Variants in FBLN5 observed in about 807,000 individuals in gnomAD.
The protein encoded by FBLN5 is fibulin 5.
Under a neutral mutation model 61.6 loss-of-function variants are expected in FBLN5, and 24 were observed. The ratio of observed to expected loss-of-function variants is 0.39; its 90% CI spans 0.28 to 0.55. FBLN5 has a LOEUF of 0.55. Ranked by LOEUF, FBLN5 falls within the 20% of genes least tolerant of loss-of-function variation. FBLN5 has a pLI of 0.65. For missense variants in FBLN5, 470 were observed against 594.1 expected (o/e 0.79, Z 2.17); for synonymous variants, 213 against 219.8 (o/e 0.97, Z 0.27).
chr14:91,930,262 T>A (rs1595342264), intron 4 of FBLN5, among the ~76,000 whole-genome samples: 1 of 152,146 alleles, frequency 6.6e-6, no homozygotes, highest in Non-Finnish European at 1.5e-5. Context: ...TGGCAGTTGG[T>A]ACTGTTATCC....
chr14:91,936,155 A>G (rs1166401121), intron 4 of FBLN5, among the ~76,000 whole-genome samples: 1 of 152,256 alleles, frequency 6.6e-6, no homozygotes, highest in Non-Finnish European at 1.5e-5. Flanking sequence ...GGGAAAAACA[A>G]AAAACAAAAT....
intron 2 of FBLN5, chr14:91,942,254 C>G (rs556695808): frequency 3.3e-5 from 15 of 449,190 alleles, no homozygotes; most frequent in East Asian, 2.8e-4. Flanking sequence ...TCACCCACCC[C>G]CTTCTTACTC....
chr14:91,871,974 A>G (rs1166491685), intron 10 of FBLN5, among the ~76,000 whole-genome samples: 5 of 152,160 alleles, frequency 3.3e-5, no homozygotes, highest in Non-Finnish European at 1.5e-5. Flanking sequence ...TCTCAGGGCT[A>G]GGATCTACTG....
At chr14:91,891,057 G>T (rs1353313722) in intron 6 of FBLN5, among the ~76,000 whole-genome samples, 164 bp downstream of exon 6, 1 of 152,224 alleles carries the variant, frequency 6.6e-6, no homozygotes, top group East Asian at 1.9e-4. Flanking sequence ...GCATAGCAAG[G>T]TTCAGGTCTC....
chr14:91,934,374 T>C (rs1205118475), intron 4 of FBLN5, among the ~76,000 whole-genome samples: 1 of 152,200 alleles, frequency 6.6e-6, no homozygotes, highest in Non-Finnish European at 1.5e-5. Context: ...GTTTCTTAGT[T>C]TCTCTGCTTC....
intron 6 of FBLN5, among the ~76,000 whole-genome samples, chr14:91,891,012 C>T (rs1378071089): frequency 6.6e-6 from 1 of 152,202 alleles, no homozygotes. Context: ...GGGTCCTACC[C>T]TCAGCCATAT....
At chr14:91,905,799 C>T (rs2498833) in intron 4 of FBLN5, among the ~76,000 whole-genome samples, 26,720 of 151,758 alleles carry the variant, frequency 0.18, 2,515 homozygotes, top group Admixed American at 0.23. Context: ...AGGATGGTCT[C>T]GATCTTCTGA....
chr14:91,920,071 A>G (rs2055708015), intron 4 of FBLN5, among the ~76,000 whole-genome samples: 1 of 152,098 alleles, frequency 6.6e-6, no homozygotes, highest in Non-Finnish European at 1.5e-5. Flanking sequence ...TTGGAGTCCC[A>G]CACACTCTTC....
intron 2 of FBLN5, 118 bp downstream of exon 2, chr14:91,942,789 G>A (rs960449743): frequency 2.8e-6 from 2 of 707,722 alleles, no homozygotes; most frequent in Non-Finnish European, 5.1e-6. Context: ...GCTCAGATGA[G>A]GTCAACTGTA....
rs2056203992 is a variant in FBLN5 at position 91,947,537 on chromosome 14, G to A, written c.-308C>T. The A allele has an allele frequency of 3.9e-6, 2 of 511,870 alleles. No individual in the cohort carries two copies. Among genetic ancestry groups the A allele is most frequent in the East Asian group, 3.5e-5 (1 of 28,224 alleles). 31.7% of individuals were successfully genotyped at this position (511,870 alleles called of 1,614,324 possible). A position where few individuals can be genotyped will look rare whatever the true frequency, so the allele number is the denominator to read the frequency against. ...CTAAGTATGTTAAACAATGCAAATG[G>A]GGCCTCAGTCTGGACACAGCTGGTT... On this transcript the variant is annotated 5_prime_UTR_variant, in exon 1 of 11. Transcript: ENST00000342058. This position sits in a 1 kb window ranked among gnomAD's most constrained non-coding sequence, Gnocchi z 4.3.
rs201297086 is a variant in FBLN5, at chr14:91,870,342, A to G, written c.1229T>C (p.Ile410Thr). 31 of 1,614,110 alleles carry G rather than the reference A, an allele frequency of 1.9e-5. No individual in the cohort carries two copies. The East Asian group carries it at 6.7e-4, about 35-fold the overall frequency. The change falls in exon 11 of 11, where the codon ATC becomes ACC. Residue 410 changes from isoleucine (I) to threonine (T), a missense_variant. Coordinates refer to ENST00000342058, the MANE Select transcript of FBLN5 (RefSeq NM_006329.4). ...CAGCTGGATTTCCCGGGGCCCTTTG[A>G]TGGGGCGTGTCATCACCAGGGTGGC... ...ISATLVMTRP[I>T]KGPREIQLDL...
chr14:91,934,523 G>A (rs1044482401), intron 4 of FBLN5, among the ~76,000 whole-genome samples: 2 of 152,136 alleles, frequency 1.3e-5, no homozygotes, highest in Admixed American at 6.6e-5. Context: ...CTGCTGCTGC[G>A]GATGTTACTG....
At chr14:91,893,198 G>A (rs1240429352) in intron 5 of FBLN5, among the ~76,000 whole-genome samples, 3 of 152,216 alleles carry the variant, frequency 2.0e-5, no homozygotes, top group Admixed American at 6.5e-5. Context: ...CTCAGTCTGC[G>A]ATGCTATAAA....
chr14:91,871,382 T>G (rs1378771929), intron 10 of FBLN5, among the ~76,000 whole-genome samples: 1 of 152,114 alleles, frequency 6.6e-6, no homozygotes, highest in Non-Finnish European at 1.5e-5. Flanking sequence ...TAGAGTCATC[T>G]CCAGCTTCAC....
chr14:91,885,988 T>G (rs1889708929), intron 7 of FBLN5, among the ~76,000 whole-genome samples: 1 of 152,250 alleles, frequency 6.6e-6, no homozygotes. Flanking sequence ...TGCTTGTGGC[T>G]CTGACTGTCC....
chr14:91,882,262 G>T lies in FBLN5; in HGVS notation c.862+692C>A, dbSNP rs1177656726. Reference sequence around the variant, plus strand: ...CTAATAGAAAATGTAAAATTACATAGATGGCTCACATCTGTAGCTCACATG... The same window carrying T: ...CTAATAGAAAATGTAAAATTACATATATGGCTCACATCTGTAGCTCACATG... On this transcript the variant is annotated intron_variant, in intron 8 of 10. Coordinates refer to ENST00000342058, the MANE Select transcript of FBLN5 (RefSeq NM_006329.4). This position sits in a 1 kb window ranked among gnomAD's most constrained non-coding sequence, Gnocchi z 4.9. Among the ~76,000 whole-genome samples, 1 of 152,138 alleles carries T rather than the reference G, an allele frequency of 6.6e-6. No homozygotes were observed. The highest frequency in any genetic ancestry group is 6.5e-5 in the Admixed American group (1 of 15,278).
rs1486773126 is a variant in FBLN5, at chr14:91,943,527, A to G, written c.18-566T>C. Among the ~76,000 whole-genome samples the G allele has an allele frequency of 1.3e-5, 2 of 151,776 alleles. No individual in the cohort carries two copies. The highest frequency in any genetic ancestry group is 3.9e-4 in the East Asian group (2 of 5,148). ...TTGTCCTCCCCCCACCCCCCAAAAA[A>G]GCTAAAACCTCCCACTATGGTATTA... On this transcript the variant is annotated intron_variant, in intron 1 of 10. Coordinates refer to ENST00000342058, the MANE Select transcript of FBLN5 (RefSeq NM_006329.4). This position sits in a 1 kb window ranked among gnomAD's most constrained non-coding sequence, Gnocchi z 4.0.
intron 4 of FBLN5, among the ~76,000 whole-genome samples, chr14:91,920,991 C>T (rs1323276651): frequency 6.6e-6 from 1 of 152,204 alleles, no homozygotes; most frequent in African/African-American, 2.4e-5. Context: ...GCCTGAGACA[C>T]AGAGGGTTCT....
chr14:91,881,638 A>T (rs950168589), intron 8 of FBLN5, among the ~76,000 whole-genome samples: 18 of 152,194 alleles, frequency 1.2e-4, no homozygotes, highest in Non-Finnish European at 1.8e-4. Context: ...GTACCAAGAA[A>T]TAATGTGAGC....
Sources: allele counts gnomAD v4.1 joint callset (sites outside exome capture counted in the v4.1 genomes callset), GRCh38; gene constraint gnomAD v4.1.1; non-coding constraint Gnocchi (gnomAD v3.1); transcripts MANE v1.5; gene names NCBI Gene and HGNC (gene_info 2026-07-23, HGNC 2026-07-21).